The following XYLT1 variants were observed in gnomAD, a reference collection of about 807,000 sequenced individuals.
XYLT1 encodes xylosyltransferase 1.
In XYLT1, 36 loss-of-function variants were observed where a neutral mutation model predicts 91.3. The observed-to-expected ratio is 0.39, with a 90% CI of 0.30 to 0.52. The LOEUF is 0.52. Ranked by LOEUF, XYLT1 falls within the 20% of genes least tolerant of loss-of-function variation. The probability of loss-of-function intolerance (pLI) is 0.68; values close to 1 mark genes in which losing one functional copy is unlikely to be tolerated. For missense variants in XYLT1, 1,242 were observed against 1,284.5 expected, an observed-to-expected ratio of 0.97 and a Z score of 0.51; for synonymous variants, 588 against 532.0, an observed-to-expected ratio of 1.11 and a Z score of -1.45.
At chr16:17,140,902 A>C (rs1373560871) in intron 7 of XYLT1, among the ~76,000 whole-genome samples, 2 of 152,196 alleles carry the variant, frequency 1.3e-5, no homozygotes, top group Non-Finnish European at 2.9e-5. Flanking sequence ...CTTGAGGAAG[A>C]GCTGCCTTTT....
At chr16:17,332,256 T>A (rs4780694) in intron 2 of XYLT1, among the ~76,000 whole-genome samples, 2 of 151,968 alleles carry the variant, frequency 1.3e-5, no homozygotes, top group African/African-American at 4.8e-5. Flanking sequence ...TGGGGTGAAG[T>A]GGAGGCGATC....
At chr16:17,283,203 C>T (rs1199301531) in intron 2 of XYLT1, among the ~76,000 whole-genome samples, 1 of 152,180 alleles carries the variant, frequency 6.6e-6, no homozygotes, top group Non-Finnish European at 1.5e-5. Context: ...GCCAAGCCAA[C>T]GGGAGCAGAT....
chr16:17,296,564 G>A (rs2034313900), intron 2 of XYLT1, among the ~76,000 whole-genome samples: 1 of 152,218 alleles, frequency 6.6e-6, no homozygotes, highest in South Asian at 2.1e-4. Context: ...GAGAGGCTCT[G>A]AGAATAAAAC....
At chr16:17,395,613 A>G (rs931476044) in intron 1 of XYLT1, among the ~76,000 whole-genome samples, 6 of 150,782 alleles carry the variant, frequency 4.0e-5, no homozygotes, top group African/African-American at 1.5e-4. Context: ...CTTGCTCATT[A>G]TAATACTTTG....
At chr16:17,351,048 T>G (rs2035213075) in intron 2 of XYLT1, among the ~76,000 whole-genome samples, 1 of 152,178 alleles carries the variant, frequency 6.6e-6, no homozygotes, top group Non-Finnish European at 1.5e-5. Context: ...CTGCACATTC[T>G]TTGCACTAGT....
intron 1 of XYLT1, among the ~76,000 whole-genome samples, chr16:17,370,414 T>C (rs996966728): frequency 2.0e-5 from 3 of 152,240 alleles, no homozygotes; most frequent in African/African-American, 7.2e-5. Flanking sequence ...TTGGTGGAAC[T>C]GTAGGCTGTA....
At chr16:17,445,259 G>A (rs965976463) in intron 1 of XYLT1, among the ~76,000 whole-genome samples, 4 of 152,066 alleles carry the variant, frequency 2.6e-5, no homozygotes, top group Admixed American at 2.6e-4. Flanking sequence ...GCCTCCCAAA[G>A]TGCTGGGATT....
intron 1 of XYLT1, among the ~76,000 whole-genome samples, chr16:17,449,602 G>A (rs1365218641): frequency 6.6e-6 from 1 of 152,232 alleles, no homozygotes; most frequent in Admixed American, 6.5e-5. Flanking sequence ...ATAAAACAGT[G>A]ACTCTGACAA....
chr16:17,271,577 T>C (rs2033895161), intron 2 of XYLT1, among the ~76,000 whole-genome samples: 1 of 152,150 alleles, frequency 6.6e-6, no homozygotes, highest in Non-Finnish European at 1.5e-5. Flanking sequence ...GCTGTTGACA[T>C]TTGGGGCTGG....
chr16:17,346,637 T>G (rs2035147671), intron 2 of XYLT1, among the ~76,000 whole-genome samples: 1 of 152,148 alleles, frequency 6.6e-6, no homozygotes. Context: ...TGGCACAACT[T>G]TGAGTCCAGG....
Position 17,205,806 on chromosome 16 carries a change from C to G in XYLT1, c.914-5152G>C, listed in dbSNP as rs184481658. 1.8e-4 allele frequency among the ~76,000 whole-genome samples: 28 copies of G among 152,266 alleles called. No individual in the cohort carries two copies. In the East Asian group the frequency reaches 3.3e-3, roughly 18 times the overall value. On this transcript the variant is annotated intron_variant, in intron 3 of 11. Transcript: ENST00000261381. ...ACAATTAATAACAAATGTGAAGGAG[C>G]TGCTTGACTGGAATAGTTACTCTAC...
chr16:17,127,216 A>G (rs1482340831), intron 10 of XYLT1, among the ~76,000 whole-genome samples: 1 of 152,198 alleles, frequency 6.6e-6, no homozygotes, highest in Non-Finnish European at 1.5e-5. Flanking sequence ...CCTTGAGCGA[A>G]TCCAGGTGTG....
At chr16:17,127,341 A>G (rs1448490016) in intron 10 of XYLT1, among the ~76,000 whole-genome samples, 2 of 152,216 alleles carry the variant, frequency 1.3e-5, no homozygotes, top group Non-Finnish European at 2.9e-5. Flanking sequence ...TTGGATCTCT[A>G]TAAGCCTCAG....
chr16:17,115,944 T>G (rs1245302641), intron 11 of XYLT1, among the ~76,000 whole-genome samples: 2 of 148,692 alleles, frequency 1.3e-5, no homozygotes, highest in Non-Finnish European at 3.0e-5. Context: ...TGGAATATCA[T>G]GTAGCTGGTA....
intron 6 of XYLT1, among the ~76,000 whole-genome samples, chr16:17,142,977 T>C (rs1324371423): frequency 5.3e-5 from 8 of 152,192 alleles, no homozygotes; most frequent in Admixed American, 5.2e-4. Flanking sequence ...ATTTTTCCCA[T>C]GAACCCTAGA....
At chr16:17,414,340 T>C (rs1185681155) in intron 1 of XYLT1, among the ~76,000 whole-genome samples, 1 of 152,204 alleles carries the variant, frequency 6.6e-6, no homozygotes. Context: ...TATTTGTATT[T>C]ATTTTTTAGA....
intron 2 of XYLT1, among the ~76,000 whole-genome samples, chr16:17,286,028 G>A (rs751292024): frequency 1.3e-5 from 2 of 152,128 alleles, no homozygotes; most frequent in Non-Finnish European, 2.9e-5. Flanking sequence ...AACACAATGG[G>A]GGTCTGGGCC....
In XYLT1 at chr16:17,204,894, T is replaced by C. The variant is rs900087725; in HGVS notation, c.914-4240A>G. 3.5e-5 allele frequency among the ~76,000 whole-genome samples: 5 copies of C among 144,920 alleles called. No homozygotes were observed. In the South Asian group the frequency reaches 1.1e-3, roughly 31 times the overall value. On this transcript the variant is annotated intron_variant, in intron 3 of 11. Coordinates refer to ENST00000261381, the MANE Select transcript of XYLT1 (RefSeq NM_022166.4). ...GCAGGACAGATATAACAATGACATG[T>C]GGTCAGAGCTATGTGGGTCTTTATG...
In XYLT1 at chr16:17,312,251, G is replaced by A. The variant is rs930178010; in HGVS notation, c.402+45761C>T. ...CTGCTGTGCCCAGAGCTCAGGCCAG[G>A]TAGGAGGGAGATCCAGGGGAAGGGT... On this transcript the variant is annotated intron_variant, in intron 2 of 11. Coordinates refer to ENST00000261381, the MANE Select transcript of XYLT1 (RefSeq NM_022166.4). The surrounding 1 kb of genome is among the most constrained non-coding windows in gnomAD (Gnocchi z 4.4). Among the ~76,000 whole-genome samples, 4 of 152,164 alleles carry A rather than the reference G, an allele frequency of 2.6e-5. No individual in the cohort carries two copies. Among genetic ancestry groups the A allele is most frequent in the African/African-American group, 7.2e-5 (3 of 41,430 alleles).
Sources: allele counts gnomAD v4.1 joint callset (sites outside exome capture counted in the v4.1 genomes callset), GRCh38; gene constraint gnomAD v4.1.1; non-coding constraint Gnocchi (gnomAD v3.1); transcripts MANE v1.5; gene names NCBI Gene and HGNC (gene_info 2026-07-23, HGNC 2026-07-21).